HK2: variants seen among roughly 807,000 people sequenced by gnomAD.
HK2 encodes hexokinase-2.
HK2 carries 42 observed loss-of-function variants against 92.9 expected under a neutral mutation model. The observed-to-expected ratio is 0.45, with a 90% CI of 0.35 to 0.58. HK2 has a LOEUF of 0.58. HK2 is among the 20% of genes least tolerant of loss of function. The pLI is 0.00. For synonymous variants in HK2, 422 were observed against 468.0 expected (o/e 0.90, Z 1.27); for missense variants, 978 against 1,245.1 (o/e 0.79, Z 3.23).
intron 1 of HK2, among the ~76,000 whole-genome samples, chr2:74,850,266 G>A (rs1207107364): frequency 6.6e-6 from 1 of 152,238 alleles, no homozygotes; most frequent in African/African-American, 2.4e-5. Flanking sequence ...CTCCTCATGT[G>A]ATTCTGATGT....
intron 15 of HK2, among the ~76,000 whole-genome samples, chr2:74,887,155 A>C (rs1390494045): frequency 6.6e-6 from 1 of 152,244 alleles, no homozygotes; most frequent in East Asian, 1.9e-4. Flanking sequence ...CTTCTCATTA[A>C]GATGTTGTCT....
At position 74,887,946 on chromosome 2, in the gene HK2, C is replaced by A. The variant is rs145465326; in HGVS notation, c.2263C>A (p.Arg755Ser). The part of the protein sequence containing the change: ...ISGMYLGEIV[R>S]NILIDFTKRG... ...TGGAATGTACCTGGGTGAGATTGTC[C>A]GTAACATTCTCATCGATTTCACCAA... Residue 755 changes from arginine to serine, a missense_variant, in exon 16 of 18, where the codon CGT becomes AGT. Arg to Ser is a moderately radical substitution (Grantham distance 110, BLOSUM62 -1). Coordinates refer to ENST00000290573, the MANE Select transcript of HK2 (RefSeq NM_000189.5). 1.2e-6 allele frequency: 2 copies of A among 1,613,666 alleles called. No individual in the cohort carries two copies. The highest frequency in any genetic ancestry group is 4.5e-5 in the East Asian group (2 of 44,870).
At position 74,862,772 on chromosome 2, in the gene HK2, C is replaced by A. The variant is rs139319227; in HGVS notation, c.227-4864C>A. On this transcript the variant is annotated intron_variant, in intron 2 of 17. Coordinates refer to ENST00000290573, the MANE Select transcript of HK2 (RefSeq NM_000189.5). ...CATTGTCAGGCGTTGTGCCAAACGC[C>A]TTACACTTCCTTGCACTGAATCTTG... Among the ~76,000 whole-genome samples, 116 of 152,316 alleles carry A rather than the reference C, an allele frequency of 7.6e-4. 1 individual carries two copies. The highest frequency in any genetic ancestry group is 2.6e-3 in the African/African-American group (109 of 41,568).
At chr2:74,870,251 C>A (rs2103947997) in intron 3 of HK2, among the ~76,000 whole-genome samples, 1 of 152,236 alleles carries the variant, frequency 6.6e-6, no homozygotes, top group Middle Eastern at 3.4e-3. Flanking sequence ...CTCAAGTGAT[C>A]TGCCCGTCTT....
chr2:74,876,165 GCT>G (rs775247392), intron 7 of HK2, among the ~76,000 whole-genome samples: 3 of 152,202 alleles, frequency 2.0e-5, no homozygotes, highest in East Asian at 3.8e-4. Context: ...AATTTTGCCA[GCT>G]CTCAGTTAGC....
intron 2 of HK2, 21 bp from the exon 3 acceptor site, chr2:74,867,615 T>C (rs749875180): frequency 2.5e-6 from 4 of 1,612,266 alleles, no homozygotes; most frequent in Non-Finnish European, 3.4e-6. Flanking sequence ...AAATTAATAG[T>C]GGCCCTTCCT....
intron 3 of HK2, among the ~76,000 whole-genome samples, chr2:74,868,071 G>A (rs1689003434): frequency 6.6e-6 from 1 of 152,236 alleles, no homozygotes; most frequent in African/African-American, 2.4e-5. Context: ...GGGCTTGGAA[G>A]AGGTCAAGCC....
At chr2:74,865,180 G>T (rs1043692577) in intron 2 of HK2, among the ~76,000 whole-genome samples, 1 of 152,130 alleles carries the variant, frequency 6.6e-6, no homozygotes, top group Non-Finnish European at 1.5e-5. Flanking sequence ...GAGGAGGGCT[G>T]CAGGGAGGAG....
At chr2:74,848,596 G>A (rs772085925) in intron 1 of HK2, among the ~76,000 whole-genome samples, 1 of 152,192 alleles carries the variant, frequency 6.6e-6, no homozygotes, top group Non-Finnish European at 1.5e-5. Flanking sequence ...TGAATGATAC[G>A]GATCTTACAG....
chr2:74,887,823 G>T, intron 15 of HK2, 80 bp from the exon 16 acceptor site: 1 of 1,342,728 alleles, frequency 7.4e-7, no homozygotes, highest in Non-Finnish European at 1.1e-6. Flanking sequence ...TGCACTGGGG[G>T]TGACTAAGCT....
At chr2:74,868,208 T>G (rs1234344869) in intron 3 of HK2, among the ~76,000 whole-genome samples, 1 of 152,166 alleles carries the variant, frequency 6.6e-6, no homozygotes, top group Non-Finnish European at 1.5e-5. Context: ...GGGGTGGCCT[T>G]GAGGTAAACC....
chr2:74,862,770 G>A (rs1055319421), intron 2 of HK2, among the ~76,000 whole-genome samples: 1 of 152,164 alleles, frequency 6.6e-6, no homozygotes, highest in Non-Finnish European at 1.5e-5. Flanking sequence ...TGTGCCAAAC[G>A]CCTTACACTT....
At position 74,873,450 on chromosome 2, in the gene HK2, A is replaced by T. The variant is rs957715318; in HGVS notation, c.591+79A>T. ...AAGACTCCCTGAGTGTCCTTGACTCATCATTGTTTGCTTACGTGGAGCTTA... is the reference window on the plus strand; with the variant it reads ...AAGACTCCCTGAGTGTCCTTGACTCTTCATTGTTTGCTTACGTGGAGCTTA... On this transcript the variant is annotated intron_variant, in intron 5 of 17. Transcript: ENST00000290573. 89 of 938,592 alleles carry T rather than the reference A, an allele frequency of 9.5e-5. 3 individuals are homozygous for T. In the Admixed American group the frequency reaches 1.6e-3, roughly 16 times the overall value. 58.1% of individuals were successfully genotyped at this position (938,592 alleles called of 1,614,324 possible). A position where few individuals can be genotyped will look rare whatever the true frequency, so the allele number is the denominator to read the frequency against.
At chr2:74,870,427 G>A (rs1316500084) in intron 3 of HK2, among the ~76,000 whole-genome samples, 2 of 152,080 alleles carry the variant, frequency 1.3e-5, no homozygotes, top group Non-Finnish European at 2.9e-5. Context: ...TATGTTAGGA[G>A]CGCAACTGGA....
intron 1 of HK2, among the ~76,000 whole-genome samples, chr2:74,835,799 A>G (rs949087841): frequency 1.3e-5 from 2 of 152,248 alleles, no homozygotes; most frequent in African/African-American, 4.8e-5. Flanking sequence ...AGCGTTGCTC[A>G]GTTACATACT....
intron 3 of HK2, among the ~76,000 whole-genome samples, chr2:74,869,020 T>C (rs1689030833): frequency 6.6e-6 from 1 of 152,162 alleles, no homozygotes; most frequent in Admixed American, 6.5e-5. Flanking sequence ...AGTGAAGTTC[T>C]TCTTGAAAAA....
chr2:74,852,730 G>A (rs1427810927), intron 1 of HK2, among the ~76,000 whole-genome samples: 1 of 152,148 alleles, frequency 6.6e-6, no homozygotes, highest in African/African-American at 2.4e-5. Context: ...GTTATCTGAT[G>A]CTTCTCATTC....
rs572996007 is a variant in HK2 at position 74,880,302 on chromosome 2, G to T, written c.1303G>T (p.Val435Leu). Residue 435 changes from valine to leucine, a missense_variant, in exon 10 of 18, where the codon GTG becomes TTG. Physicochemically the swap from Val to Leu is conservative, Grantham distance 32. Transcript: ENST00000290573. The part of the protein sequence containing the change: ...KRLHKTVRRL[V>L]PGCDVRFLRS... Reference sequence around the variant, plus strand: ...TCTACATAAGACCGTGCGGCGGCTGGTGCCCGGCTGCGATGTCCGCTTCCT... The same window carrying T: ...TCTACATAAGACCGTGCGGCGGCTGTTGCCCGGCTGCGATGTCCGCTTCCT... 42 of 1,614,054 alleles carry T rather than the reference G, an allele frequency of 2.6e-5. No homozygotes were observed. The highest frequency in any genetic ancestry group is 3.6e-5 in the Non-Finnish European group (42 of 1,180,050).
Position 74,880,392 on chromosome 2 carries a change from G to A in HK2, c.1393G>A (p.Asp465Asn), listed in dbSNP as rs113525671. 9.9e-6 allele frequency: 16 copies of A among 1,614,100 alleles called. No individual in the cohort carries two copies. The highest frequency in any genetic ancestry group is 2.2e-5 in the East Asian group (1 of 44,882). The change falls in exon 10 of 18, where the codon GAT becomes AAT. Residue 465 changes from aspartate (D) to asparagine (N), a missense_variant. Physicochemically the swap from Asp to Asn is conservative, Grantham distance 23. This residue lies in a region of HK2 where 742 missense variants were observed against 922.5 expected (regional missense o/e 0.80). Coordinates refer to ENST00000290573, the MANE Select transcript of HK2 (RefSeq NM_000189.5). The stretch of plus-strand genomic sequence containing the variant: ...GACAGCAGTGGCTTACCGGCTGGCC[G>A]ATCAACACCGTGCCCGCCAGAAGAC... ...MVTAVAYRLA[D>N]QHRARQKTLE...
Sources: gnomAD v4.1 joint callset for allele counts (sites outside exome capture counted in the v4.1 genomes callset) on GRCh38, gnomAD v4.1.1 for gene constraint, gnomAD v4.1.1 regional missense constraint, MANE v1.5 for transcripts, NCBI Gene and HGNC (gene_info 2026-07-23, HGNC 2026-07-21) for gene names.